PIK3C2G: variants seen among roughly 807,000 people sequenced by gnomAD.
PIK3C2G encodes the protein phosphatidylinositol-4-phosphate 3-kinase catalytic subunit type 2 gamma.
PIK3C2G carries 168 observed loss-of-function variants against 181.1 expected under a neutral mutation model. The observed-to-expected ratio is 0.93, with a 90% CI of 0.82 to 1.05. PIK3C2G has a LOEUF of 1.05. PIK3C2G is among the 50% of genes least tolerant of loss of function. PIK3C2G has a pLI of 0.00. For missense variants in PIK3C2G, 1,869 were observed against 1,732.8 expected, an observed-to-expected ratio of 1.08 and a Z score of -1.40; for synonymous variants, 573 against 592.2, an observed-to-expected ratio of 0.97 and a Z score of 0.47.
At chr12:18,531,237 T>A (rs1943537881) in intron 24 of PIK3C2G, among the ~76,000 whole-genome samples, 1 of 152,136 alleles carries the variant, frequency 6.6e-6, no homozygotes, top group South Asian at 2.1e-4. Flanking sequence ...CTATATATAT[T>A]ATCTATGTCA....
intron 20 of PIK3C2G, among the ~76,000 whole-genome samples, chr12:18,491,935 C>A (rs1940610546): frequency 6.6e-6 from 1 of 152,150 alleles, no homozygotes; most frequent in Admixed American, 6.5e-5. Flanking sequence ...ATAACCATAC[C>A]TAGTACACGA....
chr12:18,688,261 AGTTAC>A, the PIK3C2G span: 1 of 1,557,608 alleles, frequency 6.4e-7, no homozygotes, highest in Non-Finnish European at 8.7e-7. Flanking sequence ...CAAGATATTA[AGTTAC>A]ATCACCATTT....
the PIK3C2G span, among the ~76,000 whole-genome samples, chr12:18,697,553 C>T: frequency 2.6e-5 from 4 of 152,022 alleles, no homozygotes; most frequent in African/African-American, 7.2e-5. Context: ...AGAAAATAAA[C>T]ATGTTTGTTA....
chr12:18,712,420 T>A, the PIK3C2G span, among the ~76,000 whole-genome samples: 1 of 152,186 alleles, frequency 6.6e-6, no homozygotes, highest in Non-Finnish European at 1.5e-5. Flanking sequence ...TATCAATAGC[T>A]GTCATTATAG....
chr12:18,536,093 A>G (rs1230660967), intron 24 of PIK3C2G, among the ~76,000 whole-genome samples: 1 of 152,156 alleles, frequency 6.6e-6, no homozygotes, highest in African/African-American at 2.4e-5. Context: ...CATGTACCCT[A>G]AAACTTAAAG....
the PIK3C2G span, among the ~76,000 whole-genome samples, chr12:18,720,946 A>G: frequency 6.6e-6 from 1 of 152,158 alleles, no homozygotes; most frequent in Non-Finnish European, 1.5e-5. Context: ...TCAAAATGCT[A>G]TTACTATTTT....
chr12:18,640,681 A>T, intron 32 of PIK3C2G, 127 bp downstream of exon 32: 1 of 819,182 alleles, frequency 1.2e-6, no homozygotes, highest in Non-Finnish European at 1.9e-6. Flanking sequence ...TATTTTCCAA[A>T]GTAGTCGCAG....
chr12:18,593,952 A>T (rs937608806), intron 29 of PIK3C2G, among the ~76,000 whole-genome samples: 2 of 151,874 alleles, frequency 1.3e-5, no homozygotes, highest in Non-Finnish European at 2.9e-5. Context: ...AAAACAGATT[A>T]TATTACTTTA....
At chr12:18,534,215 G>T (rs1352058856) in intron 24 of PIK3C2G, among the ~76,000 whole-genome samples, 1 of 151,996 alleles carries the variant, frequency 6.6e-6, no homozygotes, top group Non-Finnish European at 1.5e-5. Flanking sequence ...CTCCCAAAGT[G>T]CTGGGATTAC....
At chr12:18,694,406 A>C in the PIK3C2G span, among the ~76,000 whole-genome samples, 1 of 152,216 alleles carries the variant, frequency 6.6e-6, no homozygotes, top group African/African-American at 2.4e-5. Context: ...GAAGACAGAT[A>C]CTGGAGAAAG....
rs767156706 is a variant in PIK3C2G, at chr12:18,371,220, T to C, written c.1789T>C (p.Ser597Pro). The change falls in exon 13 of 33, where the codon TCC (serine) becomes CCC (proline). Residue 597 changes from serine to proline, a missense_variant. Ser to Pro is a moderately conservative substitution (Grantham distance 74). Transcript: ENST00000538779. Reference sequence around the variant, plus strand: ...TGAAATAAAGTCACTTCCAAGGGAATCCATGCTCACTGTAAAACTGTTTGG... The same window carrying C: ...TGAAATAAAGTCACTTCCAAGGGAACCCATGCTCACTGTAAAACTGTTTGG... Reference protein sequence around the residue: ...PLEIKSLPRESMLTVKLFGIA... With the variant: ...PLEIKSLPREPMLTVKLFGIA... 3.7e-6 allele frequency: 6 copies of C among 1,611,926 alleles called. No individual in the cohort carries two copies. Among genetic ancestry groups the C allele is most frequent in the Non-Finnish European group, 3.4e-6 (4 of 1,178,708 alleles).
At chr12:18,286,528 T>C (rs575493888) in intron 2 of PIK3C2G, among the ~76,000 whole-genome samples, 7 of 152,142 alleles carry the variant, frequency 4.6e-5, no homozygotes, top group African/African-American at 1.4e-4. Flanking sequence ...TATGGTGATA[T>C]AAATCTAAAT....
intron 31 of PIK3C2G, among the ~76,000 whole-genome samples, chr12:18,635,841 T>C (rs1041455639): frequency 5.3e-5 from 8 of 151,858 alleles, no homozygotes; most frequent in Non-Finnish European, 1.2e-4. Flanking sequence ...AAATGAGGAG[T>C]ATGTTGCATC....
chr12:18,332,740 A>G (rs1315274541), intron 8 of PIK3C2G, among the ~76,000 whole-genome samples: 2 of 152,118 alleles, frequency 1.3e-5, no homozygotes, highest in African/African-American at 2.4e-5. Context: ...GCTCAGGGAA[A>G]TGCAGGGTTT....
chr12:18,653,314 A>G (rs1484205847), downstream of PIK3C2G, among the ~76,000 whole-genome samples: 2 of 152,194 alleles, frequency 1.3e-5, no homozygotes, highest in Non-Finnish European at 2.9e-5. Flanking sequence ...AACTCCAGTG[A>G]TAAAAGTAAT....
chr12:18,423,251 A>T (rs1945593693), intron 17 of PIK3C2G, among the ~76,000 whole-genome samples: 1 of 151,826 alleles, frequency 6.6e-6, no homozygotes, highest in African/African-American at 2.4e-5. Context: ...TTTTTATGAG[A>T]ACTGGGTTTT....
At chr12:18,683,502 TCTGACTTC>T in the PIK3C2G span, 1 of 1,493,506 alleles carries the variant, frequency 6.7e-7, no homozygotes, top group South Asian at 1.2e-5. Flanking sequence ...CATTTTCTAT[TCTGACTTC>T]CTAACTGCCC....
At chr12:18,622,927 T>G (rs1948928302) in intron 31 of PIK3C2G, among the ~76,000 whole-genome samples, 1 of 151,874 alleles carries the variant, frequency 6.6e-6, no homozygotes, top group African/African-American at 2.4e-5. Context: ...TTGAGTTCCT[T>G]ATATAATTTG....
intron 29 of PIK3C2G, among the ~76,000 whole-genome samples, chr12:18,588,931 G>A (rs147664090): frequency 1.3e-3 from 205 of 152,226 alleles, no homozygotes; most frequent in Non-Finnish European, 2.3e-3. Context: ...GCAAGATCAT[G>A]TCCTCTTCAG....
Sources: allele counts gnomAD v4.1 joint callset (sites outside exome capture counted in the v4.1 genomes callset), GRCh38; gene constraint gnomAD v4.1.1; transcripts MANE v1.5; gene names NCBI Gene and HGNC (gene_info 2026-07-23, HGNC 2026-07-21).